Variants in MUSK observed in about 807,000 individuals in gnomAD.
The protein encoded by MUSK is muscle, skeletal receptor tyrosine-protein kinase.
MUSK carries 55 observed loss-of-function variants against 88.7 expected under a neutral mutation model. That is an observed-to-expected ratio of 0.62 (90% CI 0.50 to 0.78). The LOEUF (loss-of-function observed/expected upper bound fraction) is 0.78. Among genes scored for constraint, MUSK ranks in the 30% least tolerant of loss-of-function variants. MUSK has a pLI of 0.00. For synonymous variants in MUSK, 387 were observed against 391.9 expected (o/e 0.99, Z 0.15); for missense variants, 1,015 against 1,074.3 (o/e 0.94, Z 0.77).
chr9:110,790,603 A>T (rs941545789), intron 14 of MUSK, among the ~76,000 whole-genome samples: 1 of 152,152 alleles, frequency 6.6e-6, no homozygotes, highest in African/African-American at 2.4e-5. Flanking sequence ...AATTGGCTGG[A>T]GATTGTAGCC....
chr9:110,690,256 A>T (rs564658232), intron 3 of MUSK, among the ~76,000 whole-genome samples: 1 of 105,324 alleles, frequency 9.5e-6, no homozygotes, highest in African/African-American at 3.9e-5. Flanking sequence ...AAATATATAT[A>T]AATATATATT....
chr9:110,755,984 A>ATATATATACC (rs2077317822), intron 7 of MUSK, among the ~76,000 whole-genome samples: 1 of 126,046 alleles, frequency 7.9e-6, no homozygotes, highest in Non-Finnish European at 1.7e-5. Context: ...ATATACATAT[A>ATATATATACC]TATATATATA....
At position 110,784,923 on chromosome 9, in the gene MUSK, T is replaced by A; in HGVS notation, c.1493T>A (p.Ile498Asn). ...CCTACATACTCCATGACTGTAATAATCTCCATCATGTCCAGCTTTGCAATA... is the reference window on the plus strand; with the variant it reads ...CCTACATACTCCATGACTGTAATAAACTCCATCATGTCCAGCTTTGCAATA... ...VSPTYSMTVIISIMSSFAIFV... is the reference protein window; with the variant it reads ...VSPTYSMTVINSIMSSFAIFV... The change falls in exon 12 of 15, where the codon ATC becomes AAC. Residue 498 changes from isoleucine to asparagine, a missense_variant. Coordinates refer to ENST00000374448, the MANE Select transcript of MUSK (RefSeq NM_005592.4). 1 of 1,613,866 alleles carries A rather than the reference T, an allele frequency of 6.2e-7. No individual in the cohort carries two copies. The highest frequency in any genetic ancestry group is 8.5e-7 in the Non-Finnish European group (1 of 1,179,820).
intron 7 of MUSK, among the ~76,000 whole-genome samples, chr9:110,753,778 T>C (rs961217443): frequency 2.6e-5 from 4 of 152,174 alleles, no homozygotes; most frequent in Admixed American, 2.0e-4. Flanking sequence ...GTGGTAATAC[T>C]GGAGTCTCCC....
intron 6 of MUSK, among the ~76,000 whole-genome samples, chr9:110,735,178 TG>T (rs1335872571): frequency 6.6e-6 from 1 of 151,974 alleles, no homozygotes; most frequent in Non-Finnish European, 1.5e-5. Flanking sequence ...AAAATGGAAT[TG>T]CCATATGATC....
chr9:110,779,733 A>G (rs2077723454), intron 11 of MUSK, among the ~76,000 whole-genome samples: 1 of 152,204 alleles, frequency 6.6e-6, no homozygotes, highest in Non-Finnish European at 1.5e-5. Flanking sequence ...ATATGGGTTT[A>G]CTGATTTCCT....
intron 11 of MUSK, among the ~76,000 whole-genome samples, chr9:110,784,390 TC>T (rs2077817257): frequency 1.3e-5 from 2 of 152,306 alleles, no homozygotes; most frequent in African/African-American, 4.8e-5. Flanking sequence ...TTTTCATTTT[TC>T]ATCTTCTTTC....
chr9:110,696,883 C>T (rs1225953473), intron 4 of MUSK, among the ~76,000 whole-genome samples: 7 of 151,672 alleles, frequency 4.6e-5, no homozygotes, highest in East Asian at 3.9e-4. Flanking sequence ...GAGATTTTAG[C>T]GTGCCTATTA....
chr9:110,742,943 G>A (rs1242028795), intron 6 of MUSK, among the ~76,000 whole-genome samples: 1 of 152,164 alleles, frequency 6.6e-6, no homozygotes, highest in East Asian at 1.9e-4. Context: ...GGCAATGTCA[G>A]GCATTTAATG....
chr9:110,747,142 G>A (rs2077183165), intron 6 of MUSK, among the ~76,000 whole-genome samples: 1 of 152,218 alleles, frequency 6.6e-6, no homozygotes, highest in South Asian at 2.1e-4. Context: ...TGGTTTTGCT[G>A]CTGGGCAGGA....
At chr9:110,715,802 A>C (rs1023023199) in intron 5 of MUSK, among the ~76,000 whole-genome samples, 1 of 149,250 alleles carries the variant, frequency 6.7e-6, no homozygotes, top group Non-Finnish European at 1.5e-5. Context: ...TAAAAAGGAA[A>C]GAGATCATGC....
intron 8 of MUSK, among the ~76,000 whole-genome samples, chr9:110,765,217 T>C (rs1020433566): frequency 6.6e-6 from 1 of 152,174 alleles, no homozygotes; most frequent in Non-Finnish European, 1.5e-5. Context: ...AATGAATAAT[T>C]CTCAGCTCGG....
In MUSK at chr9:110,801,144, C is replaced by A; in HGVS notation, c.*156C>A. On this transcript the variant is annotated 3_prime_UTR_variant, in exon 15 of 15. Coordinates refer to ENST00000374448, the MANE Select transcript of MUSK (RefSeq NM_005592.4). ...CTTCCCAGGGAGAGCAAAGACAGTG[C>A]AAAACCCATGTGGTAGACGGACCCA... is the stretch of plus-strand genomic sequence containing the variant. The A allele has an allele frequency of 1.7e-6, 1 of 604,192 alleles. No individual in the cohort carries two copies. The allele number at this position is 604,192 out of a possible 1,614,324, so 37.4% of individuals were successfully genotyped here.
chr9:110,779,177 G>A lies in MUSK; in HGVS notation c.1384+2522G>A, dbSNP rs181860307. Among the ~76,000 whole-genome samples the A allele has an allele frequency of 1.7e-4, 26 of 152,096 alleles. 1 individual carries two copies. In the East Asian group the frequency reaches 5.0e-3, roughly 29 times the overall value. On this transcript the variant is annotated intron_variant, in intron 11 of 14. Transcript: ENST00000374448. Reference sequence around the variant, plus strand: ...AGTTACAAGTTCTTAGAAAATTGGAGTTTAAAGTAACTTTAACAGTTATTT... The same window carrying A: ...AGTTACAAGTTCTTAGAAAATTGGAATTTAAAGTAACTTTAACAGTTATTT...
Position 110,713,608 on chromosome 9 carries a change from T to C in MUSK, c.628+16142T>C, listed in dbSNP as rs569526231. ...GGGTAGATACCTAACATCCTGACAA[T>C]GTGGGAACCTATGGTTTGGAGGCAT... On this transcript the variant is annotated intron_variant, in intron 5 of 14. Transcript: ENST00000374448. 7.9e-5 allele frequency among the ~76,000 whole-genome samples: 12 copies of C among 152,242 alleles called. No individual in the cohort carries two copies. In the South Asian group the frequency reaches 2.3e-3, roughly 29 times the overall value.
intron 11 of MUSK, among the ~76,000 whole-genome samples, chr9:110,777,938 A>G (rs2077695640): frequency 1.3e-5 from 2 of 152,138 alleles, no homozygotes; most frequent in Admixed American, 1.3e-4. Flanking sequence ...GGAATATCTG[A>G]AAGTATGCTC....
At chr9:110,728,410 G>C in intron 5 of MUSK, 1 of 398,770 alleles carries the variant, frequency 2.5e-6, no homozygotes, top group Admixed American at 4.3e-5. Context: ...TCATGAAAGA[G>C]CTACATTGTT....
At chr9:110,730,358 G>C (rs746480656) in intron 5 of MUSK, among the ~76,000 whole-genome samples, 3 of 152,056 alleles carry the variant, frequency 2.0e-5, no homozygotes, top group Admixed American at 1.3e-4. Flanking sequence ...TATCAAAACA[G>C]TTATAAATGC....
intron 6 of MUSK, among the ~76,000 whole-genome samples, chr9:110,741,978 C>A (rs1044171613): frequency 6.6e-6 from 1 of 152,130 alleles, no homozygotes; most frequent in Admixed American, 6.6e-5. Flanking sequence ...GACATCAGGG[C>A]TAATGTTCTC....
Sources: gnomAD v4.1 joint callset for allele counts (sites outside exome capture counted in the v4.1 genomes callset) on GRCh38, gnomAD v4.1.1 for gene constraint, MANE v1.5 for transcripts, NCBI Gene and HGNC (gene_info 2026-07-23, HGNC 2026-07-21) for gene names.